Variants in MICAL2 observed in about 807,000 individuals in gnomAD.
MICAL2 encodes the protein microtubule associated monooxygenase, calponin and LIM domain containing 2.
A neutral mutation model predicts 127.3 loss-of-function variants in MICAL2; 77 were observed. That is an observed-to-expected ratio of 0.60 (90% CI 0.50 to 0.73). The LOEUF (loss-of-function observed/expected upper bound fraction) is 0.73. Ranked by LOEUF, MICAL2 falls within the 30% of genes least tolerant of loss-of-function variation. MICAL2 has a pLI of 0.00. For synonymous variants in MICAL2, 570 were observed against 551.1 expected, an observed-to-expected ratio of 1.03 and a Z score of -0.48; for missense variants, 1,351 against 1,434.4, an observed-to-expected ratio of 0.94 and a Z score of 0.94.
chr11:12,216,175 T>C, intron 7 of MICAL2, 44 bp from the exon 8 acceptor site: 1 of 1,400,272 alleles, frequency 7.1e-7, no homozygotes, highest in Middle Eastern at 1.8e-4. Context: ...ACACAGTTGG[T>C]GCCGAGGAAG....
intron 15 of MICAL2, among the ~76,000 whole-genome samples, chr11:12,234,312 AAAC>A (rs1402816283): frequency 3.3e-5 from 5 of 151,988 alleles, no homozygotes; most frequent in African/African-American, 1.2e-4. Context: ...CAAAAAAAAA[AAAC>A]AACAGAAAAC....
intron 32 of MICAL2, among the ~76,000 whole-genome samples, chr11:12,342,571 G>C (rs1938883941): frequency 6.6e-6 from 1 of 152,224 alleles, no homozygotes; most frequent in Admixed American, 6.5e-5. Flanking sequence ...GAAATGGCAA[G>C]GTAGGTGTGG....
chr11:12,224,461 T>C, intron 12 of MICAL2: 1 of 576,076 alleles, frequency 1.7e-6, no homozygotes. Flanking sequence ...GAAGAGAACA[T>C]GCTTCCTCTC....
chr11:12,209,378 C>T (rs1855145277), intron 5 of MICAL2, 119 bp from the exon 6 acceptor site: 1 of 802,926 alleles, frequency 1.2e-6, no homozygotes, highest in Admixed American at 1.8e-5. Context: ...CCTGGAGGCT[C>T]TCTCTGTGAT....
chr11:12,202,825 A>G (rs971391621), intron 3 of MICAL2, among the ~76,000 whole-genome samples: 1 of 152,218 alleles, frequency 6.6e-6, no homozygotes, highest in Admixed American at 6.5e-5. Flanking sequence ...ACCCTCTTAT[A>G]GTACACAATT....
chr11:12,339,540 C>T (rs561583855), intron 32 of MICAL2, among the ~76,000 whole-genome samples: 2 of 152,226 alleles, frequency 1.3e-5, no homozygotes, highest in African/African-American at 2.4e-5. Flanking sequence ...TTAGAGTTTC[C>T]AGTTTTTCTG....
At chr11:12,269,084 C>A (rs185008718) in intron 24 of MICAL2, among the ~76,000 whole-genome samples, 78 of 152,274 alleles carry the variant, frequency 5.1e-4, no homozygotes, top group Admixed American at 1.2e-3. Flanking sequence ...TTTCCCATCC[C>A]CAACCCACAC....
chr11:12,224,967 A>C, intron 13 of MICAL2, 147 bp downstream of exon 13: 1 of 1,070,902 alleles, frequency 9.3e-7, no homozygotes, highest in Non-Finnish European at 1.3e-6. Flanking sequence ...TTCCCTTTGC[A>C]CTGATTACTC....
intron 13 of MICAL2, among the ~76,000 whole-genome samples, chr11:12,225,073 C>A (rs926336928): frequency 6.9e-6 from 1 of 145,896 alleles, no homozygotes; most frequent in East Asian, 2.2e-4. Context: ...CCCCCACTAC[C>A]CTTCCCCCCC....
chr11:12,349,135 C>G (rs1018658670), intron 32 of MICAL2, among the ~76,000 whole-genome samples: 1 of 152,096 alleles, frequency 6.6e-6, no homozygotes, highest in Admixed American at 6.6e-5. Flanking sequence ...CGAAAGCCAC[C>G]TTTTAACATT....
Position 12,235,505 on chromosome 11 carries a change from C to T in MICAL2, c.1996-672C>T, listed in dbSNP as rs1383260842. Among the ~76,000 whole-genome samples the T allele has an allele frequency of 2.0e-5, 3 of 152,218 alleles. No homozygotes were observed. The East Asian group carries it at 5.8e-4, about 29-fold the overall frequency. ...GGGGGTAAAAAGCGGTAAATCAGAA[C>T]TACCCTCCACCTCCAACAAACTAGG... On this transcript the variant is annotated intron_variant, in intron 15 of 27. Coordinates refer to ENST00000683283, the MANE Select transcript of MICAL2 (RefSeq NM_001282663.2).
chr11:12,336,639 T>C (rs1443198363), intron 32 of MICAL2, among the ~76,000 whole-genome samples: 2 of 152,156 alleles, frequency 1.3e-5, no homozygotes, highest in Non-Finnish European at 2.9e-5. Context: ...CAATACCTAA[T>C]TTATTGAGAG....
chr11:12,210,429 T>G (rs1855305852), intron 6 of MICAL2, among the ~76,000 whole-genome samples: 1 of 152,186 alleles, frequency 6.6e-6, no homozygotes, highest in Non-Finnish European at 1.5e-5. Context: ...AGAGGATACG[T>G]CACTCTGAGG....
chr11:12,265,919 C>G (rs1863606663), downstream of MICAL2, among the ~76,000 whole-genome samples: 3 of 151,980 alleles, frequency 2.0e-5, no homozygotes, highest in African/African-American at 7.3e-5. Flanking sequence ...AGTTCGTGAC[C>G]AGCCTGACCA....
At chr11:12,254,726 C>T (rs1171096330) in intron 22 of MICAL2, 1 of 152,140 alleles carries the variant, frequency 6.6e-6, no homozygotes, top group African/African-American at 2.4e-5. Context: ...GTTCCCTTCT[C>T]TGGGATTCAT....
chr11:12,156,943 T>TA (rs1854256275), intron 2 of MICAL2, among the ~76,000 whole-genome samples: 1 of 152,232 alleles, frequency 6.6e-6, no homozygotes, highest in Admixed American at 6.5e-5. Context: ...CAGAGCTCCT[T>TA]AGTGACGTAG....
chr11:12,181,321 A>G (rs924044288), intron 3 of MICAL2, among the ~76,000 whole-genome samples: 1 of 152,214 alleles, frequency 6.6e-6, no homozygotes, highest in Non-Finnish European at 1.5e-5. Context: ...ATATTTATGA[A>G]TGTCTGGTTT....
rs969199627 is a variant in MICAL2 at position 12,261,430 on chromosome 11, T to C, written c.3335-1050T>C. 6.1e-6 allele frequency: 6 copies of C among 985,344 alleles called. No individual in the cohort carries two copies. In the African/African-American group the frequency reaches 1.0e-4, roughly 17 times the overall value. 61.0% of individuals were successfully genotyped at this position (985,344 alleles called of 1,614,324 possible). A position where few individuals can be genotyped will look rare whatever the true frequency, so the allele number is the denominator to read the frequency against. On this transcript the variant is annotated intron_variant, in intron 26 of 27. Coordinates refer to ENST00000683283, the MANE Select transcript of MICAL2 (RefSeq NM_001282663.2). ...TGCAGGTCCACCTGTGTTCTTACTCTGGGTATCTAGAAGAGTCCTCAGCTC... is the reference window on the plus strand; with the variant it reads ...TGCAGGTCCACCTGTGTTCTTACTCCGGGTATCTAGAAGAGTCCTCAGCTC...
chr11:12,339,230 A>C (rs1439849925), intron 32 of MICAL2, among the ~76,000 whole-genome samples: 3 of 152,102 alleles, frequency 2.0e-5, no homozygotes, highest in Non-Finnish European at 2.9e-5. Context: ...CCTTTCTTCC[A>C]GTTGATCGCG....
Sources: allele counts gnomAD v4.1 joint callset (sites outside exome capture counted in the v4.1 genomes callset), GRCh38; gene constraint gnomAD v4.1.1; transcripts MANE v1.5; gene names NCBI Gene and HGNC (gene_info 2026-07-23, HGNC 2026-07-21).